Variants in MAST2 observed in about 807,000 individuals in gnomAD.
MAST2 encodes microtubule-associated serine/threonine-protein kinase 2.
A neutral mutation model predicts 147.4 loss-of-function variants in MAST2; 70 were observed. The observed-to-expected ratio is 0.47, with a 90% CI of 0.39 to 0.58. The LOEUF (loss-of-function observed/expected upper bound fraction) is 0.58. Ranked by LOEUF, MAST2 falls within the 20% of genes least tolerant of loss-of-function variation. The pLI, the probability that MAST2 is intolerant of heterozygous loss-of-function variation, is 0.00. For missense variants in MAST2, 2,080 were observed against 2,302.3 expected (o/e 0.90, Z 1.98); for synonymous variants, 869 against 896.8 (o/e 0.97, Z 0.55).
intron 5 of MAST2, among the ~76,000 whole-genome samples, chr1:45,969,411 C>T (rs1475557725): frequency 6.6e-6 from 1 of 152,130 alleles, no homozygotes; most frequent in Non-Finnish European, 1.5e-5. Flanking sequence ...AGAAACCAGG[C>T]CACACAGTAG....
chr1:45,993,748 C>G (rs898696691), intron 5 of MAST2, among the ~76,000 whole-genome samples: 1 of 151,990 alleles, frequency 6.6e-6, no homozygotes, highest in Non-Finnish European at 1.5e-5. Context: ...TTAGGCCAAA[C>G]TTTACAAGGG....
chr1:45,865,295 A>G (rs561235265), intron 3 of MAST2, among the ~76,000 whole-genome samples: 16 of 152,312 alleles, frequency 1.1e-4, no homozygotes, highest in Admixed American at 2.6e-4. Context: ...TATAGTTATA[A>G]TTAGAGAACT....
chr1:45,950,758 A>T (rs1658809517), intron 4 of MAST2, among the ~76,000 whole-genome samples: 1 of 152,212 alleles, frequency 6.6e-6, no homozygotes, highest in Non-Finnish European at 1.5e-5. Flanking sequence ...GAAAATCAAT[A>T]GATAAAAGAA....
At chr1:45,879,311 G>A (rs1409325934) in intron 3 of MAST2, among the ~76,000 whole-genome samples, 5 of 152,090 alleles carry the variant, frequency 3.3e-5, no homozygotes, top group African/African-American at 9.7e-5. Context: ...GGTGGCTCAC[G>A]CCTGTAATCC....
chr1:45,878,105 G>A (rs975169794), intron 3 of MAST2, among the ~76,000 whole-genome samples: 4 of 151,594 alleles, frequency 2.6e-5, no homozygotes, highest in Non-Finnish European at 4.4e-5. Flanking sequence ...TTGGGAGGCT[G>A]AGGCAGGAAA....
chr1:46,032,156 G>A (rs765691404), intron 24 of MAST2, 22 bp from the exon 25 acceptor site: 3 of 1,602,158 alleles, frequency 1.9e-6, no homozygotes, highest in Non-Finnish European at 2.6e-6. Context: ...GACCCACTAA[G>A]TCCTGGCTTC....
chr1:45,883,171 A>G (rs1315611787), intron 4 of MAST2, among the ~76,000 whole-genome samples: 1 of 152,202 alleles, frequency 6.6e-6, no homozygotes, highest in Non-Finnish European at 1.5e-5. Context: ...GTGATAAAAC[A>G]ATGGCTTTTA....
chr1:45,852,944 T>C (rs917754856), intron 3 of MAST2, among the ~76,000 whole-genome samples: 2 of 152,064 alleles, frequency 1.3e-5, no homozygotes, highest in Non-Finnish European at 2.9e-5. Context: ...AAAACAATTA[T>C]TTTTTGTTGA....
At chr1:46,017,104 A>G (rs1645983484) in intron 10 of MAST2, among the ~76,000 whole-genome samples, 2 of 152,202 alleles carry the variant, frequency 1.3e-5, no homozygotes, top group Admixed American at 1.3e-4. Flanking sequence ...AATGGTGCTG[A>G]GAAAACTGGC....
intron 1 of MAST2, among the ~76,000 whole-genome samples, chr1:45,814,781 C>CT (rs1644404100): frequency 6.6e-6 from 1 of 152,140 alleles, no homozygotes; most frequent in East Asian, 1.9e-4. Flanking sequence ...GAGCGAAACT[C>CT]TATCTCAAAA....
chr1:45,841,889 T>C (rs1342913216), intron 3 of MAST2, among the ~76,000 whole-genome samples: 2 of 152,164 alleles, frequency 1.3e-5, no homozygotes, highest in African/African-American at 4.8e-5. Flanking sequence ...TTGGGTGCCT[T>C]GATGTTAGCA....
At chr1:45,866,078 GTT>G (rs2148112934) in intron 3 of MAST2, among the ~76,000 whole-genome samples, 1 of 152,118 alleles carries the variant, frequency 6.6e-6, no homozygotes, top group Admixed American at 6.5e-5. Context: ...CATTATTTTA[GTT>G]TCTTTAAAGT....
Position 46,031,468 on chromosome 1 carries a change from C to G in MAST2, c.3070C>G (p.Arg1024Gly). 6.2e-7 allele frequency: 1 copy of G among 1,614,110 alleles called. No individual in the cohort carries two copies. Among genetic ancestry groups the G allele is most frequent in the African/African-American group, 1.3e-5 (1 of 75,052 alleles). ...CAAGGCCATCAGTGACCTGGCTGTG[C>G]GTAGGGCCCGCCACCGGCTGCTCTC... ...TAKAISDLAV[R>G]RARHRLLSGD... Residue 1024 changes from arginine (R) to glycine (G), a missense_variant, in exon 24 of 29, where the codon CGT (arginine) becomes GGT (glycine). This residue lies in a region of MAST2 where 1,278 missense variants were observed against 1,304.2 expected (regional missense o/e 0.98). Transcript: ENST00000361297. The surrounding 1 kb of genome is among the most constrained non-coding windows in gnomAD (Gnocchi z 4.1).
chr1:45,831,079 A>T (rs1461141491), intron 3 of MAST2, among the ~76,000 whole-genome samples: 2 of 150,756 alleles, frequency 1.3e-5, no homozygotes, highest in African/African-American at 2.4e-5. Context: ...TTTGTGTGAT[A>T]GGCAGGGCCT....
intron 1 of MAST2, among the ~76,000 whole-genome samples, chr1:45,810,433 C>G (rs1644256115): frequency 6.6e-6 from 1 of 152,160 alleles, no homozygotes; most frequent in African/African-American, 2.4e-5. Context: ...TTGTTATTGC[C>G]AGACCCAGAG....
chr1:45,963,774 C>T (rs1660777086), intron 5 of MAST2, among the ~76,000 whole-genome samples: 1 of 152,080 alleles, frequency 6.6e-6, no homozygotes, highest in Non-Finnish European at 1.5e-5. Flanking sequence ...GCCTGATTGC[C>T]CTGGCCAGAA....
intron 4 of MAST2, among the ~76,000 whole-genome samples, chr1:45,936,186 C>G (rs1656162242): frequency 6.6e-6 from 1 of 152,142 alleles, no homozygotes; most frequent in Non-Finnish European, 1.5e-5. Flanking sequence ...CTGGATTTGA[C>G]CCTCAGCTTG....
At chr1:45,818,357 GCTT>G (rs1473923367) in intron 1 of MAST2, among the ~76,000 whole-genome samples, 1 of 152,158 alleles carries the variant, frequency 6.6e-6, no homozygotes, top group Non-Finnish European at 1.5e-5. Context: ...GTGCTTTGGA[GCTT>G]CTTCTCAGTC....
At chr1:45,912,557 TG>T (rs1651845127) in intron 4 of MAST2, among the ~76,000 whole-genome samples, 1 of 152,260 alleles carries the variant, frequency 6.6e-6, no homozygotes, top group African/African-American at 2.4e-5. Context: ...AGCACTGGTT[TG>T]CCTATGAGTT....
Sources: allele counts gnomAD v4.1 joint callset (sites outside exome capture counted in the v4.1 genomes callset), GRCh38; gene constraint gnomAD v4.1.1; regional missense constraint gnomAD v4.1.1; non-coding constraint Gnocchi (gnomAD v3.1); transcripts MANE v1.5; gene names NCBI Gene and HGNC (gene_info 2026-07-23, HGNC 2026-07-21).